The following ZNF395 variants were observed in gnomAD, a reference collection of about 807,000 sequenced individuals.
ZNF395 encodes HD gene regulatory region-binding protein 2.
ZNF395 carries 20 observed loss-of-function variants against 57.7 expected under a neutral mutation model. The observed-to-expected ratio is 0.35, with a 90% CI of 0.24 to 0.50. The LOEUF (loss-of-function observed/expected upper bound fraction) is 0.50. Among genes scored for constraint, ZNF395 ranks in the 20% least tolerant of loss-of-function variants. The pLI is 0.97. For missense variants in ZNF395, 606 were observed against 671.2 expected, an observed-to-expected ratio of 0.90 and a Z score of 1.07; for synonymous variants, 295 against 275.9, an observed-to-expected ratio of 1.07 and a Z score of -0.69.
chr8:28,370,992 T>C (rs757543258), intron 1 of ZNF395, among the ~76,000 whole-genome samples: 1 of 152,246 alleles, frequency 6.6e-6, no homozygotes, highest in African/African-American at 2.4e-5. Flanking sequence ...GCCAGTCAAC[T>C]TGCTGAGCAT....
intron 4 of ZNF395, among the ~76,000 whole-genome samples, chr8:28,355,434 T>G (rs1180558055): frequency 6.6e-6 from 1 of 150,392 alleles, no homozygotes; most frequent in Non-Finnish European, 1.5e-5. Context: ...CAAAAAAAAT[T>G]TAATAGACAA....
chr8:28,381,014 AGTGTGTGTGTGTGT>A (rs10561721), intron 1 of ZNF395, among the ~76,000 whole-genome samples: 3,072 of 134,298 alleles, frequency 0.023, 119 homozygotes, highest in African/African-American at 0.079. Flanking sequence ...ACACCCTGCT[AGTGTGTGTGTGTGT>A]GTGTGTGTGT....
At chr8:28,365,926 CAT>C (rs763911807) in intron 1 of ZNF395, among the ~76,000 whole-genome samples, 103 of 152,324 alleles carry the variant, frequency 6.8e-4, no homozygotes, top group African/African-American at 2.2e-3. Context: ...TGGACAACCA[CAT>C]GTCTCAGCAC....
chr8:28,353,429 T>C (rs1174049882), intron 4 of ZNF395, 21 bp from the exon 5 acceptor site: 1 of 1,487,150 alleles, frequency 6.7e-7, no homozygotes, highest in Non-Finnish European at 9.0e-7. Context: ...GAAGAAAAGA[T>C]GAGAGGACGC....
At chr8:28,363,759 G>T (rs960978517) in intron 1 of ZNF395, among the ~76,000 whole-genome samples, 1 of 152,154 alleles carries the variant, frequency 6.6e-6, no homozygotes. Context: ...TTCAGACGGC[G>T]CCTGAAATGT....
At chr8:28,372,554 G>A (rs7003545) in intron 1 of ZNF395, among the ~76,000 whole-genome samples, 45 of 152,332 alleles carry the variant, frequency 3.0e-4, no homozygotes, top group African/African-American at 1.0e-3. Flanking sequence ...TCGGGAGGCC[G>A]AGGCAGAGGA....
rs772867411 is a variant in ZNF395, at chr8:28,351,527, A to C, written c.1201T>G (p.Phe401Val). The change falls in exon 7 of 10, where the codon TTC becomes GTC. Residue 401 changes from phenylalanine (F) to valine (V), a missense_variant. This residue lies in a region of ZNF395 where 261 missense variants were observed against 240.3 expected (regional missense o/e 1.09). Transcript: ENST00000344423. ...GALSKSAPGS[F>V]WHIQADHAYQ... is the part of the protein sequence containing the mutation. ...GCATGATCTGCCTGAATGTGCCAGA[A>C]GGACCCAGGAGCTGACTTGCTGAGA... 2.5e-6 allele frequency: 4 copies of C among 1,611,642 alleles called. No homozygotes were observed. The highest frequency in any genetic ancestry group is 3.4e-6 in the Non-Finnish European group (4 of 1,178,354).
In ZNF395 at chr8:28,356,716, G is replaced by A; in HGVS notation, c.537C>T (p.Cys179=). The change falls in exon 4 of 10, where the codon TGC becomes TGT. Residue 179 remains cysteine, a synonymous_variant. Transcript: ENST00000344423. This position sits in a 1 kb window ranked among gnomAD's most constrained non-coding sequence, Gnocchi z 4.0. ...CGGGAGGACTCTGTACAACAGGGCTGCAGGACAGGGACGTCAGCACCATGG... is the reference window on the plus strand; with the variant it reads ...CGGGAGGACTCTGTACAACAGGGCTACAGGACAGGGACGTCAGCACCATGG... ...MAAMVLTSLS[C]SPVVQSPPGT... is the part of the protein sequence containing the mutation. 4 of 1,614,226 alleles carry A rather than the reference G, an allele frequency of 2.5e-6. No individual in the cohort carries two copies. The highest frequency in any genetic ancestry group is 3.4e-6 in the Non-Finnish European group (4 of 1,180,038).
intron 1 of ZNF395, among the ~76,000 whole-genome samples, chr8:28,362,029 C>A (rs925670673): frequency 1.3e-5 from 2 of 150,990 alleles, no homozygotes; most frequent in African/African-American, 4.9e-5. Flanking sequence ...AGGCGGGAGG[C>A]TGCAGTGAGC....
At chr8:28,355,943 T>C (rs942377477) in intron 4 of ZNF395, among the ~76,000 whole-genome samples, 3 of 151,562 alleles carry the variant, frequency 2.0e-5, no homozygotes, top group Non-Finnish European at 4.4e-5. Context: ...TATAAGTAGC[T>C]TGCAATTCAG....
intron 1 of ZNF395, among the ~76,000 whole-genome samples, chr8:28,372,463 C>T (rs1801989038): frequency 6.6e-6 from 1 of 152,132 alleles, no homozygotes; most frequent in South Asian, 2.1e-4. Flanking sequence ...ATTTTAACAT[C>T]AACAAGGGCA....
intron 6 of ZNF395, among the ~76,000 whole-genome samples, 184 bp from the exon 7 acceptor site, chr8:28,351,991 G>A (rs1801720124): frequency 1.3e-5 from 2 of 152,198 alleles, no homozygotes; most frequent in African/African-American, 4.8e-5. Context: ...GCACATCAAC[G>A]GGAATTATTT....
intron 1 of ZNF395, among the ~76,000 whole-genome samples, chr8:28,367,031 G>GTGTA (rs1404020753): frequency 3.0e-4 from 46 of 151,702 alleles, no homozygotes. Context: ...CACAGTACAA[G>GTGTA]CTTCAGACAC....
At position 28,350,119 on chromosome 8, in the gene ZNF395, A is replaced by G. The variant is rs1417159441; in HGVS notation, c.1271T>C (p.Ile424Thr). 15 of 1,609,232 alleles carry G rather than the reference A, an allele frequency of 9.3e-6. No individual in the cohort carries two copies. The highest frequency in any genetic ancestry group is 3.3e-4 in the Middle Eastern group (2 of 6,066). ...AGCAGCCCAGCTGACACTGGTGTAG[A>G]TGTGTGGTGAGACTGGGATCTGGAA... ...PSFQIPVSPH[I>T]YTSVSWAAAP... The change falls in exon 8 of 10, where the codon ATC (isoleucine) becomes ACC (threonine). Residue 424 changes from isoleucine to threonine, a missense_variant. By Grantham distance (89) the Ile-to-Thr change is moderately conservative. Around this residue, in one of 3 missense-constraint regions of ZNF395, gnomAD observed 261 missense variants for 240.3 expected, o/e 1.09. Coordinates refer to ENST00000344423, the MANE Select transcript of ZNF395 (RefSeq NM_018660.3).
intron 7 of ZNF395, among the ~76,000 whole-genome samples, chr8:28,350,938 C>T (rs1432697347): frequency 6.6e-6 from 1 of 152,192 alleles, no homozygotes; most frequent in Admixed American, 6.5e-5. Context: ...CCCTCTGGTA[C>T]CTACAACACC....
intron 1 of ZNF395, among the ~76,000 whole-genome samples, chr8:28,376,357 G>T (rs1008755711): frequency 6.6e-6 from 1 of 152,068 alleles, no homozygotes; most frequent in South Asian, 2.1e-4. Context: ...CCGGGCTCAC[G>T]CCTGTTAATC....
intron 1 of ZNF395, among the ~76,000 whole-genome samples, chr8:28,384,767 TA>T (rs1181857371): frequency 3.9e-5 from 6 of 152,228 alleles, no homozygotes; most frequent in African/African-American, 9.6e-5. Context: ...GTTTTTCCTT[TA>T]TCTGATATAC....
chr8:28,381,014 AGTGTGTGTGTGT>A lies in ZNF395; in HGVS notation c.-59+5367_-59+5378del, dbSNP rs10561721. On this transcript the variant is annotated intron_variant, in intron 1 of 9. Transcript: ENST00000344423. ...CAGGCATGCACCACCACACCCTGCT[AGTGTGTGTGTGT>A]GTGTGTGTGTGTGTGTGTGTGTGTG... is the stretch of plus-strand genomic sequence containing the variant. Among the ~76,000 whole-genome samples the A allele has an allele frequency of 8.1e-3, 1,087 of 134,292 alleles. 12 individuals are homozygous for A. The highest frequency in any genetic ancestry group is 0.014 in the African/African-American group (520 of 36,350). 88.1% of individuals were successfully genotyped at this position (134,292 alleles called of 152,430 possible).
rs976838685 is a variant in ZNF395 at position 28,350,178 on chromosome 8, GCC to G, written c.1234-24_1234-23del. 4.4e-6 allele frequency: 7 copies of G among 1,582,376 alleles called. No homozygotes were observed. The African/African-American group carries it at 9.4e-5, about 21-fold the overall frequency. On this transcript the variant is annotated intron_variant, in intron 7 of 9. Transcript: ENST00000344423. ...GAGCCTGCGGAAGACGAGGGTGTCA[GCC>G]CGGATTCTAGCTCAGGAAGTGTTCA...
Sources: gnomAD v4.1 joint callset for allele counts (sites outside exome capture counted in the v4.1 genomes callset) on GRCh38, gnomAD v4.1.1 for gene constraint, gnomAD v4.1.1 regional missense constraint, Gnocchi (gnomAD v3.1) non-coding constraint, MANE v1.5 for transcripts, NCBI Gene and HGNC (gene_info 2026-07-23, HGNC 2026-07-21) for gene names.